The following ASTN2 variants were observed in gnomAD, a reference collection of about 807,000 sequenced individuals.
The protein encoded by ASTN2 is astrotactin 2, also known as astrotactin-2.
A neutral mutation model predicts 139.8 loss-of-function variants in ASTN2; 54 were observed. The ratio of observed to expected loss-of-function variants is 0.39; its 90% confidence interval spans 0.31 to 0.48. The LOEUF (loss-of-function observed/expected upper bound fraction) is 0.48. Among genes scored for constraint, ASTN2 ranks in the 20% least tolerant of loss-of-function variants. The pLI is 0.95. For synonymous variants in ASTN2, 756 were observed against 719.5 expected, an observed-to-expected ratio of 1.05 and a Z score of -0.81; for missense variants, 1,565 against 1,725.1, an observed-to-expected ratio of 0.91 and a Z score of 1.64.
At chr9:116,879,416 C>G (rs1833393343) in intron 10 of ASTN2, among the ~76,000 whole-genome samples, 1 of 152,030 alleles carries the variant, frequency 6.6e-6, no homozygotes, top group Non-Finnish European at 1.5e-5. Flanking sequence ...CTGAGGAAAT[C>G]AAGGGACTGT....
At chr9:116,942,533 A>T (rs1284651051) in intron 10 of ASTN2, among the ~76,000 whole-genome samples, 2 of 151,914 alleles carry the variant, frequency 1.3e-5, no homozygotes, top group Non-Finnish European at 2.9e-5. Flanking sequence ...TCATATCACC[A>T]CTTGTATTTT....
intron 16 of ASTN2, chr9:116,700,502 G>C (rs772100034): frequency 6.0e-6 from 1 of 167,262 alleles, no homozygotes; most frequent in Admixed American, 6.5e-5. Context: ...AGCAAATTTG[G>C]ATAGTCTCTA....
At chr9:116,854,944 G>A (rs556336190) in intron 11 of ASTN2, among the ~76,000 whole-genome samples, 11 of 151,330 alleles carry the variant, frequency 7.3e-5, no homozygotes, top group African/African-American at 1.7e-4. Flanking sequence ...GAGCCACCGC[G>A]CCCGGCCTCC....
intron 4 of ASTN2, among the ~76,000 whole-genome samples, chr9:117,128,898 C>CT (rs1829764849): frequency 6.6e-6 from 1 of 152,186 alleles, no homozygotes; most frequent in East Asian, 1.9e-4. Flanking sequence ...GCGGAAACCC[C>CT]TGATAAAACT....
intron 6 of ASTN2, among the ~76,000 whole-genome samples, chr9:117,030,332 G>C (rs1838211860): frequency 6.6e-6 from 1 of 152,158 alleles, no homozygotes; most frequent in South Asian, 2.1e-4. Context: ...CAACAGAACG[G>C]AATTATTAAT....
intron 11 of ASTN2, among the ~76,000 whole-genome samples, chr9:116,838,672 G>A (rs369100177): frequency 1.4e-5 from 2 of 145,818 alleles, no homozygotes; most frequent in Non-Finnish European, 3.0e-5. Flanking sequence ...TGATCCACCC[G>A]CCTCAGCCTC....
At chr9:116,976,878 G>A in intron 7 of ASTN2, 93 bp from the exon 8 acceptor site, 1 of 1,142,226 alleles carries the variant, frequency 8.8e-7, no homozygotes, top group East Asian at 2.5e-5. Flanking sequence ...CATAAAGTGA[G>A]CTGCTTAGTT....
intron 19 of ASTN2, among the ~76,000 whole-genome samples, chr9:116,587,974 T>C (rs1255236294): frequency 1.3e-5 from 2 of 152,180 alleles, no homozygotes; most frequent in Non-Finnish European, 1.5e-5. Flanking sequence ...CAATGTCTGC[T>C]CTGTGAAAAG....
intron 19 of ASTN2, among the ~76,000 whole-genome samples, chr9:116,490,284 A>AAAAAAAAAAAAAAAAAAAAAAAAAAAAC (rs1849475472): frequency 7.3e-6 from 1 of 136,978 alleles, no homozygotes; most frequent in Non-Finnish European, 1.6e-5. Context: ...AAAAAAAAAA[A>AAAAAAAAAAAAAAAAAAAAAAAAAAAAC]AAAAAAAAAA....
At chr9:116,636,789 T>C (rs1857096930) in intron 17 of ASTN2, among the ~76,000 whole-genome samples, 1 of 152,348 alleles carries the variant, frequency 6.6e-6, no homozygotes, top group South Asian at 2.1e-4. Flanking sequence ...GATTACATCA[T>C]GATCTCTCCC....
intron 13 of ASTN2, among the ~76,000 whole-genome samples, chr9:116,749,044 G>C (rs967025232): frequency 2.6e-5 from 4 of 152,012 alleles, no homozygotes; most frequent in African/African-American, 9.7e-5. Flanking sequence ...CCCGTCCCCT[G>C]TGTAGATCTA....
intron 11 of ASTN2, among the ~76,000 whole-genome samples, chr9:116,822,548 C>T (rs1168244772): frequency 6.6e-6 from 1 of 152,062 alleles, no homozygotes; most frequent in African/African-American, 2.4e-5. Flanking sequence ...TTTGCAGACT[C>T]GCGGAGCATG....
At chr9:116,956,512 T>A (rs768872886) in intron 10 of ASTN2, among the ~76,000 whole-genome samples, 1 of 149,468 alleles carries the variant, frequency 6.7e-6, no homozygotes. Context: ...AGAACAGTTG[T>A]AAAATTAAAT....
intron 1 of ASTN2, among the ~76,000 whole-genome samples, chr9:117,364,492 G>C (rs997440040): frequency 2.0e-5 from 3 of 152,166 alleles, no homozygotes; most frequent in African/African-American, 7.2e-5. Flanking sequence ...AATCAAGTAT[G>C]AAATAAAAAG....
At chr9:116,560,122 T>C (rs998265648) in intron 19 of ASTN2, among the ~76,000 whole-genome samples, 1 of 152,222 alleles carries the variant, frequency 6.6e-6, no homozygotes, top group African/African-American at 2.4e-5. Flanking sequence ...CAATTAACAT[T>C]GTAAATGTTA....
At chr9:116,550,517 A>G (rs1852295500) in intron 19 of ASTN2, among the ~76,000 whole-genome samples, 1 of 152,186 alleles carries the variant, frequency 6.6e-6, no homozygotes. Flanking sequence ...AGCTTACATT[A>G]CTCAACTGAA....
At chr9:117,378,734 T>C (rs1830189024) in intron 1 of ASTN2, among the ~76,000 whole-genome samples, 1 of 152,158 alleles carries the variant, frequency 6.6e-6, no homozygotes. Context: ...CTGAATACCT[T>C]TGGGTCCTTC....
chr9:116,789,959 T>C (rs1436308537), intron 13 of ASTN2, among the ~76,000 whole-genome samples: 2 of 139,628 alleles, frequency 1.4e-5, no homozygotes, highest in Admixed American at 7.7e-5. Context: ...AGAGTCTTAC[T>C]CTGTCACCCA....
chr9:117,225,766 C>T (rs1217609373), intron 2 of ASTN2, among the ~76,000 whole-genome samples: 3 of 151,378 alleles, frequency 2.0e-5, no homozygotes, highest in African/African-American at 7.3e-5. Context: ...AGGAATAATG[C>T]CATTCACCAA....
Sources: gnomAD v4.1 joint callset for allele counts (sites outside exome capture counted in the v4.1 genomes callset) on GRCh38, gnomAD v4.1.1 for gene constraint, MANE v1.5 for transcripts, NCBI Gene and HGNC (gene_info 2026-07-23, HGNC 2026-07-21) for gene names.